The following DGKI variants were observed in gnomAD, a reference collection of about 807,000 sequenced individuals.
DGKI encodes the protein DAG kinase iota.
DGKI carries 55 observed loss-of-function variants against 147.5 expected under a neutral mutation model. The observed-to-expected ratio is 0.37, with a 90% CI of 0.30 to 0.47. DGKI has a LOEUF of 0.47. Among genes scored for constraint, DGKI ranks in the 20% least tolerant of loss-of-function variants. DGKI has a pLI of 1.00. For synonymous variants in DGKI, 469 were observed against 477.1 expected (o/e 0.98, Z 0.22); for missense variants, 1,007 against 1,323.8 (o/e 0.76, Z 3.71).
At chr7:137,759,486 C>T (rs1429266927) in intron 1 of DGKI, among the ~76,000 whole-genome samples, 4 of 152,074 alleles carry the variant, frequency 2.6e-5, no homozygotes, top group African/African-American at 4.8e-5. Flanking sequence ...GGATTACAGG[C>T]GCCTGCCACC....
chr7:137,391,376 G>T, intron 32 of DGKI, 40 bp from the exon 33 acceptor site: 1 of 1,355,896 alleles, frequency 7.4e-7, no homozygotes, highest in Non-Finnish European at 1.0e-6. Context: ...GAGAGAGAGA[G>T]ATAGACACAA....
At chr7:137,646,523 C>G (rs1269316630) in intron 5 of DGKI, among the ~76,000 whole-genome samples, 2 of 152,188 alleles carry the variant, frequency 1.3e-5, no homozygotes, top group Non-Finnish European at 2.9e-5. Flanking sequence ...CACTGGTTCT[C>G]AGGATACATT....
chr7:137,490,915 A>T (rs1359954802), intron 21 of DGKI, among the ~76,000 whole-genome samples: 1 of 152,256 alleles, frequency 6.6e-6, no homozygotes, highest in Non-Finnish European at 1.5e-5. Flanking sequence ...AGTGAAAAGA[A>T]CAAGCTGTGT....
At chr7:137,752,795 G>C (rs1339046894) in intron 1 of DGKI, among the ~76,000 whole-genome samples, 1 of 152,164 alleles carries the variant, frequency 6.6e-6, no homozygotes, top group African/African-American at 2.4e-5. Context: ...GGAGATGTGA[G>C]TCTTGCCGAA....
At chr7:137,731,781 T>C (rs1255816485) in intron 1 of DGKI, among the ~76,000 whole-genome samples, 3 of 152,094 alleles carry the variant, frequency 2.0e-5, no homozygotes, top group African/African-American at 4.8e-5. Flanking sequence ...TGTTTGAAGC[T>C]TGGCCCACTT....
intron 21 of DGKI, among the ~76,000 whole-genome samples, chr7:137,509,727 T>C (rs1033708357): frequency 6.6e-6 from 1 of 152,096 alleles, no homozygotes; most frequent in African/African-American, 2.4e-5. Flanking sequence ...TGAGTTAGAA[T>C]GTGTTATAGA....
intron 21 of DGKI, among the ~76,000 whole-genome samples, chr7:137,503,858 A>G (rs780349003): frequency 6.6e-6 from 1 of 152,170 alleles, no homozygotes; most frequent in African/African-American, 2.4e-5. Context: ...TATTTAATTC[A>G]TCATTTTTAC....
Position 137,391,064 on chromosome 7 carries a change from G to A in DGKI, c.*156C>T. ...CTATCATGTTCTGTTGTACATCTTG[G>A]TAGCCCTTAAAAGCTAGTGGCATGG... On this transcript the variant is annotated 3_prime_UTR_variant, in exon 33 of 33. Transcript: ENST00000614521. 3 of 668,946 alleles carry A rather than the reference G, an allele frequency of 4.5e-6. No homozygotes were observed. The allele number at this position is 668,946 out of a possible 1,614,324, so 41.4% of individuals were successfully genotyped here.
At chr7:137,787,014 T>A (rs1362605158) in intron 1 of DGKI, among the ~76,000 whole-genome samples, 1 of 152,126 alleles carries the variant, frequency 6.6e-6, no homozygotes, top group Non-Finnish European at 1.5e-5. Context: ...CCTGAAACCA[T>A]AAAGATTATA....
rs538392461 is a variant in DGKI at position 137,678,431 on chromosome 7, C to T, written c.606+126G>A. On this transcript the variant is annotated intron_variant, in intron 3 of 32. Coordinates refer to ENST00000614521, the MANE Select transcript of DGKI (RefSeq NM_001321708.2). ...AACTCTCTGCAAACCTTGAAAACAT[C>T]CGGAAAGTTTTCCATCTCACAAGGA... is the stretch of plus-strand genomic sequence containing the variant. The T allele has an allele frequency of 5.1e-5, 43 of 844,736 alleles. No individual in the cohort carries two copies. The African/African-American group carries it at 7.3e-4, about 14-fold the overall frequency. 52.3% of individuals were successfully genotyped at this position (844,736 alleles called of 1,614,324 possible).
intron 20 of DGKI, among the ~76,000 whole-genome samples, chr7:137,550,143 G>T (rs966922952): frequency 6.6e-6 from 1 of 151,588 alleles, no homozygotes; most frequent in African/African-American, 2.4e-5. Context: ...AACAGTTTTG[G>T]GGTGTGTTGT....
intron 20 of DGKI, among the ~76,000 whole-genome samples, chr7:137,551,338 G>T (rs531857250): frequency 6.6e-6 from 1 of 152,218 alleles, no homozygotes; most frequent in South Asian, 2.1e-4. Context: ...CACCTGTGTT[G>T]CTGGCTATTG....
chr7:137,741,588 A>G (rs2116708487), intron 1 of DGKI, among the ~76,000 whole-genome samples: 1 of 152,292 alleles, frequency 6.6e-6, no homozygotes, highest in African/African-American at 2.4e-5. Flanking sequence ...GTGCTCTAAG[A>G]GCATCTGTGT....
chr7:137,457,994 C>A (rs1043454578), intron 27 of DGKI, among the ~76,000 whole-genome samples: 1 of 151,832 alleles, frequency 6.6e-6, no homozygotes, highest in African/African-American at 2.4e-5. Context: ...CATAATAGCA[C>A]TTATTAGAAG....
intron 1 of DGKI, among the ~76,000 whole-genome samples, chr7:137,724,066 AAGAGAGAG>A (rs34250953): frequency 2.1e-4 from 32 of 149,836 alleles, no homozygotes; most frequent in African/African-American, 6.4e-4. Flanking sequence ...TACATTAGGT[AAGAGAGAG>A]AGAGAGAGAG....
intron 12 of DGKI, among the ~76,000 whole-genome samples, chr7:137,591,142 TCTC>T (rs1209646537): frequency 6.6e-6 from 1 of 152,198 alleles, no homozygotes. Flanking sequence ...CACCATCTCT[TCTC>T]CTTTTACCCT....
intron 1 of DGKI, among the ~76,000 whole-genome samples, chr7:137,732,881 C>A (rs1463565655): frequency 6.6e-6 from 1 of 151,338 alleles, no homozygotes; most frequent in African/African-American, 2.4e-5. Flanking sequence ...ATTCTGAGAT[C>A]CCCCCCATTC....
intron 1 of DGKI, among the ~76,000 whole-genome samples, chr7:137,755,251 A>C (rs1795643451): frequency 6.6e-6 from 1 of 152,232 alleles, no homozygotes; most frequent in Non-Finnish European, 1.5e-5. Context: ...ACATGAATTA[A>C]AAAATGATAA....
chr7:137,452,018 T>G (rs1813987494), intron 27 of DGKI, among the ~76,000 whole-genome samples: 1 of 152,190 alleles, frequency 6.6e-6, no homozygotes, highest in African/African-American at 2.4e-5. Context: ...GAGGATAGAT[T>G]AGATAAATAT....
Sources: allele counts gnomAD v4.1 joint callset (sites outside exome capture counted in the v4.1 genomes callset), GRCh38; gene constraint gnomAD v4.1.1; transcripts MANE v1.5; gene names NCBI Gene and HGNC (gene_info 2026-07-23, HGNC 2026-07-21).